ARL15: variants seen among roughly 807,000 people sequenced by gnomAD.
ARL15 encodes the protein ADP-ribosylation factor-like protein 15.
A neutral mutation model predicts 25.2 loss-of-function variants in ARL15; 19 were observed. The observed-to-expected ratio is 0.75, with a 90% confidence interval of 0.53 to 1.10. ARL15 has a LOEUF of 1.10. ARL15 is among the 50% of genes least tolerant of loss of function. The pLI is 0.00. For synonymous variants in ARL15, 94 were observed against 86.8 expected, an observed-to-expected ratio of 1.08 and a Z score of -0.46; for missense variants, 220 against 246.0, an observed-to-expected ratio of 0.89 and a Z score of 0.71.
intron 1 of ARL15, among the ~76,000 whole-genome samples, chr5:54,292,589 G>A (rs28575929): frequency 1.4e-3 from 211 of 152,130 alleles, no homozygotes; most frequent in African/African-American, 4.9e-3. Flanking sequence ...CTATTCAAGC[G>A]TTTCATTAAG....
chr5:53,988,705 T>C (rs1274511968), intron 4 of ARL15, among the ~76,000 whole-genome samples: 2 of 152,118 alleles, frequency 1.3e-5, no homozygotes, highest in Non-Finnish European at 2.9e-5. Context: ...AGCAAGAACA[T>C]GAAGTAGGTC....
intron 4 of ARL15, among the ~76,000 whole-genome samples, chr5:53,986,841 G>C (rs1367150006): frequency 6.6e-6 from 1 of 152,188 alleles, no homozygotes; most frequent in Non-Finnish European, 1.5e-5. Context: ...GAGTCTACAA[G>C]AGCAGGATTT....
chr5:54,211,314 C>A (rs1461312291), intron 1 of ARL15, among the ~76,000 whole-genome samples: 1 of 152,036 alleles, frequency 6.6e-6, no homozygotes, highest in South Asian at 2.1e-4. Context: ...GCTGTTCTAT[C>A]GGTTCAGGTT....
intron 4 of ARL15, among the ~76,000 whole-genome samples, chr5:54,092,047 A>AAC (rs758037549): frequency 0.014 from 2,067 of 146,308 alleles, 12 homozygotes; most frequent in South Asian, 0.03. Context: ...TCAAATTGAA[A>AAC]ACACACACAC....
intron 3 of ARL15, among the ~76,000 whole-genome samples, chr5:54,124,440 G>A (rs769025709): frequency 3.3e-5 from 5 of 151,934 alleles, no homozygotes; most frequent in Non-Finnish European, 7.4e-5. Flanking sequence ...ATATACAAAT[G>A]ACTGACCACA....
intron 4 of ARL15, among the ~76,000 whole-genome samples, chr5:53,917,541 G>A (rs141219294): frequency 0.016 from 2,385 of 152,252 alleles, 24 homozygotes; most frequent in Middle Eastern, 0.031. Context: ...TGCCTTCACA[G>A]AGCAGACAAA....
chr5:54,188,028 G>A (rs569157975), intron 1 of ARL15, among the ~76,000 whole-genome samples: 3 of 152,120 alleles, frequency 2.0e-5, no homozygotes, highest in East Asian at 3.9e-4. Context: ...TTTTTGACAT[G>A]TTTGTCTAAG....
At chr5:54,092,405 A>T (rs148668094) in intron 4 of ARL15, among the ~76,000 whole-genome samples, 12 of 151,994 alleles carry the variant, frequency 7.9e-5, no homozygotes, top group African/African-American at 2.9e-4. Context: ...TATAGTTCTT[A>T]GACAAATTCC....
At chr5:53,903,736 G>A (rs951536802) in intron 4 of ARL15, among the ~76,000 whole-genome samples, 4 of 152,156 alleles carry the variant, frequency 2.6e-5, no homozygotes, top group Non-Finnish European at 5.9e-5. Context: ...TATTCTCTGT[G>A]CTTCTTTCTG....
At chr5:54,142,760 G>A (rs1753809568) in intron 3 of ARL15, among the ~76,000 whole-genome samples, 1 of 152,006 alleles carries the variant, frequency 6.6e-6, no homozygotes, top group African/African-American at 2.4e-5. Flanking sequence ...TGAGTCTACT[G>A]GAAGTGAAAA....
At chr5:54,246,487 C>G (rs375620919) in intron 1 of ARL15, among the ~76,000 whole-genome samples, 4 of 152,040 alleles carry the variant, frequency 2.6e-5, no homozygotes, top group African/African-American at 9.7e-5. Flanking sequence ...CTAACCTCCC[C>G]CAAACATGTT....
chr5:54,146,139 A>G (rs1308249801), intron 3 of ARL15, among the ~76,000 whole-genome samples: 2 of 151,976 alleles, frequency 1.3e-5, no homozygotes, highest in Non-Finnish European at 2.9e-5. Context: ...TTTTTATTTT[A>G]TGTATATACC....
At position 54,067,858 on chromosome 5, in the gene ARL15, C is replaced by T. The variant is rs10066952; in HGVS notation, c.462+45344G>A. 4.2e-3 allele frequency among the ~76,000 whole-genome samples: 639 copies of T among 151,966 alleles called. 4 individuals carry two copies. Among genetic ancestry groups the T allele is most frequent in the African/African-American group, 0.015 (611 of 41,538 alleles). The stretch of plus-strand genomic sequence containing the variant: ...AAGTCATATTTCAGTTCCCTTTCTC[C>T]TAAGTTTCACTCACACATTCATTCA... On this transcript the variant is annotated intron_variant, in intron 4 of 4. Coordinates refer to ENST00000504924, the MANE Select transcript of ARL15 (RefSeq NM_019087.3).
At chr5:54,141,469 A>G (rs1054697852) in intron 3 of ARL15, among the ~76,000 whole-genome samples, 1 of 152,178 alleles carries the variant, frequency 6.6e-6, no homozygotes, top group African/African-American at 2.4e-5. Flanking sequence ...AATTTCAACG[A>G]TTTTTAACTG....
intron 4 of ARL15, among the ~76,000 whole-genome samples, chr5:54,079,842 T>G (rs77865118): frequency 0.016 from 2,399 of 151,928 alleles, 71 homozygotes; most frequent in African/African-American, 0.055. Context: ...TGGTGGCACA[T>G]GCCTGTAATA....
chr5:54,150,879 G>A (rs1032419274), intron 3 of ARL15, among the ~76,000 whole-genome samples: 7 of 147,084 alleles, frequency 4.8e-5, no homozygotes, highest in African/African-American at 1.5e-4. Flanking sequence ...AAACCAACAT[G>A]TGAAGACTTC....
At chr5:54,102,158 G>T (rs184872114) in intron 4 of ARL15, among the ~76,000 whole-genome samples, 194 of 151,774 alleles carry the variant, frequency 1.3e-3, no homozygotes, top group South Asian at 0.011. Context: ...AATTACAGGC[G>T]TGCACCACCA....
chr5:54,221,667 A>G (rs1272730127), intron 1 of ARL15, among the ~76,000 whole-genome samples: 1 of 152,116 alleles, frequency 6.6e-6, no homozygotes, highest in Non-Finnish European at 1.5e-5. Flanking sequence ...TCCAAAACGA[A>G]TCCCACTCTT....
At chr5:54,306,391 C>CTTT (rs11338403) in intron 1 of ARL15, among the ~76,000 whole-genome samples, 23 of 134,514 alleles carry the variant, frequency 1.7e-4, no homozygotes, top group Non-Finnish European at 1.3e-4. Context: ...AATACGTTAA[C>CTTT]TTTTTTTTTT....
Sources: gnomAD v4.1 joint callset for allele counts (sites outside exome capture counted in the v4.1 genomes callset) on GRCh38, gnomAD v4.1.1 for gene constraint, MANE v1.5 for transcripts, NCBI Gene and HGNC (gene_info 2026-07-23, HGNC 2026-07-21) for gene names.